SEMA3E: variants seen among roughly 807,000 people sequenced by gnomAD.
SEMA3E encodes semaphorin-3E.
Under a neutral mutation model 93.6 loss-of-function variants are expected in SEMA3E, and 49 were observed. That is an observed-to-expected ratio of 0.52 (90% CI 0.42 to 0.66). The LOEUF (loss-of-function observed/expected upper bound fraction) is 0.66. SEMA3E is among the 30% of genes least tolerant of loss of function. The probability of loss-of-function intolerance (pLI) is 0.00; values close to 1 mark genes in which losing one functional copy is unlikely to be tolerated. For synonymous variants in SEMA3E, 363 were observed against 330.7 expected, an observed-to-expected ratio of 1.10 and a Z score of -1.06; for missense variants, 906 against 964.8, an observed-to-expected ratio of 0.94 and a Z score of 0.81.
intron 1 of SEMA3E, among the ~76,000 whole-genome samples, chr7:83,500,303 G>A (rs1488619013): frequency 2.0e-5 from 3 of 152,072 alleles, no homozygotes; most frequent in Admixed American, 2.0e-4. Context: ...AGGGATCGTG[G>A]CAGGCACCTG....
chr7:83,506,036 T>A (rs867314667), intron 1 of SEMA3E, among the ~76,000 whole-genome samples: 6,326 of 130,236 alleles, frequency 0.049, 458 homozygotes, highest in African/African-American at 0.15. Flanking sequence ...AAAAAAAATA[T>A]ATATATATAT....
rs141795706 is a variant in SEMA3E, at chr7:83,442,956, G to A, written c.456+23526C>T. On this transcript the variant is annotated intron_variant, in intron 4 of 16. Transcript: ENST00000643230. ...ACTCTCCTTCTTAGTAGCTTGTGTCGATGAAGTAGTCCAAGTTGTGAGGGT... is the reference window on the plus strand; with the variant it reads ...ACTCTCCTTCTTAGTAGCTTGTGTCAATGAAGTAGTCCAAGTTGTGAGGGT... 2.8e-3 allele frequency among the ~76,000 whole-genome samples: 430 copies of A among 152,266 alleles called. 2 individuals carry two copies. Among genetic ancestry groups the A allele is most frequent in the African/African-American group, 8.5e-3 (352 of 41,548 alleles).
In SEMA3E at chr7:83,367,450, T is replaced by C; in HGVS notation, c.*136A>G. The C allele has an allele frequency of 2.2e-6, 2 of 889,236 alleles. No homozygotes were observed. Among genetic ancestry groups the C allele is most frequent in the Non-Finnish European group, 3.6e-6 (2 of 549,688 alleles). The allele number at this position is 889,236 out of a possible 1,614,324, so 55.1% of individuals were successfully genotyped here. A position where few individuals can be genotyped will look rare whatever the true frequency, so the allele number is the denominator to read the frequency against. On this transcript the variant is annotated 3_prime_UTR_variant, in exon 17 of 17. Transcript: ENST00000643230. The stretch of plus-strand genomic sequence containing the variant: ...TCAAATGAGTATGTAGAATAATTTA[T>C]TATAACACCTTCATAGTCATTCCTG...
chr7:83,504,656 T>G (rs1790658548), intron 1 of SEMA3E, among the ~76,000 whole-genome samples: 1 of 152,198 alleles, frequency 6.6e-6, no homozygotes, highest in Admixed American at 6.5e-5. Context: ...CAAATTCTTC[T>G]TCTGTTTTCC....
intron 1 of SEMA3E, among the ~76,000 whole-genome samples, chr7:83,638,553 A>G (rs1793926701): frequency 6.6e-6 from 1 of 152,208 alleles, no homozygotes; most frequent in Admixed American, 6.5e-5. Flanking sequence ...GTCATCAATG[A>G]ATAGGCACAC....
chr7:83,405,988 T>G lies in SEMA3E; in HGVS notation c.885A>C (p.Ser295=). The change falls in exon 8 of 17, where the codon TCA becomes TCC. Residue 295 remains serine (S), a synonymous_variant. Coordinates refer to ENST00000643230, the MANE Select transcript of SEMA3E (RefSeq NM_012431.3). ...STFLKARLVC[S]VPGMNGIDTY... ...TGTCAATTCCATTCATTCCTGGTACTGAGCAAACGAGTCTCGCTTTTAGGA... is the reference window on the plus strand; with the variant it reads ...TGTCAATTCCATTCATTCCTGGTACGGAGCAAACGAGTCTCGCTTTTAGGA... 1 of 1,613,454 alleles carries G rather than the reference T, an allele frequency of 6.2e-7. No individual in the cohort carries two copies. Among genetic ancestry groups the G allele is most frequent in the South Asian group, 1.1e-5 (1 of 91,068 alleles).
intron 1 of SEMA3E, among the ~76,000 whole-genome samples, chr7:83,547,095 G>A (rs534956791): frequency 1.3e-5 from 2 of 152,214 alleles, no homozygotes; most frequent in Admixed American, 6.5e-5. Context: ...CATCCTGAGA[G>A]TTTTGAAAAA....
chr7:83,452,937 A>G (rs1222830631), intron 4 of SEMA3E, among the ~76,000 whole-genome samples: 1 of 152,204 alleles, frequency 6.6e-6, no homozygotes, highest in Non-Finnish European at 1.5e-5. Flanking sequence ...CAGAAGAAAC[A>G]ATGTAGAAAA....
intron 1 of SEMA3E, among the ~76,000 whole-genome samples, chr7:83,527,936 A>G (rs938999849): frequency 6.6e-6 from 1 of 152,136 alleles, no homozygotes; most frequent in Non-Finnish European, 1.5e-5. Flanking sequence ...GAAAACCAAG[A>G]AAAAGAATAA....
intron 5 of SEMA3E, among the ~76,000 whole-genome samples, chr7:83,410,051 A>G (rs1427434226): frequency 6.6e-6 from 1 of 151,814 alleles, no homozygotes; most frequent in African/African-American, 2.4e-5. Context: ...AAGCTTTAGA[A>G]GTACTACTAT....
At chr7:83,421,601 C>T (rs1165028412) in intron 4 of SEMA3E, among the ~76,000 whole-genome samples, 1 of 142,122 alleles carries the variant, frequency 7.0e-6, no homozygotes, top group East Asian at 1.9e-4. Context: ...CTATGTACAA[C>T]CCTGCTCATC....
intron 1 of SEMA3E, among the ~76,000 whole-genome samples, chr7:83,631,894 G>T (rs1793792924): frequency 6.6e-6 from 1 of 152,192 alleles, no homozygotes; most frequent in Admixed American, 6.5e-5. Flanking sequence ...AGTGGCTTAT[G>T]CCTGTAATCC....
intron 1 of SEMA3E, among the ~76,000 whole-genome samples, chr7:83,537,759 A>T (rs1791435429): frequency 6.6e-6 from 1 of 152,182 alleles, no homozygotes; most frequent in Non-Finnish European, 1.5e-5. Context: ...GTAAAGTCAC[A>T]GATATGTGCA....
chr7:83,463,571 G>T lies in SEMA3E; in HGVS notation c.456+2911C>A, dbSNP rs538430046. Among the ~76,000 whole-genome samples the T allele has an allele frequency of 5.8e-3, 875 of 152,028 alleles. 4 individuals are homozygous for T. The highest frequency in any genetic ancestry group is 0.02 in the African/African-American group (829 of 41,480). On this transcript the variant is annotated intron_variant, in intron 4 of 16. Transcript: ENST00000643230. ...CTGACCCCCATGACTGTATCTCTCT[G>T]ATCCACCTGACATTCACCCCATTTC...
chr7:83,476,439 A>G (rs1391374129), intron 2 of SEMA3E, among the ~76,000 whole-genome samples: 1 of 152,260 alleles, frequency 6.6e-6, no homozygotes, highest in Non-Finnish European at 1.5e-5. Flanking sequence ...AGAAAGACAG[A>G]AAAGTATGAA....
chr7:83,542,480 T>C (rs1791557040), intron 1 of SEMA3E, among the ~76,000 whole-genome samples: 1 of 152,174 alleles, frequency 6.6e-6, no homozygotes, highest in Non-Finnish European at 1.5e-5. Flanking sequence ...TGCAAAGTCT[T>C]ACAATTTAAA....
At chr7:83,526,176 G>C (rs957824237) in intron 1 of SEMA3E, among the ~76,000 whole-genome samples, 1 of 152,068 alleles carries the variant, frequency 6.6e-6, no homozygotes, top group Admixed American at 6.6e-5. Flanking sequence ...CATGTTGACT[G>C]TTAGAAATTG....
At position 83,593,782 on chromosome 7, in the gene SEMA3E, G is replaced by A. The variant is rs528860275; in HGVS notation, c.115+54646C>T. On this transcript the variant is annotated intron_variant, in intron 1 of 16. Transcript: ENST00000643230. ...CGGGTCTAGAGATAAAAGAGAGTTCGGATGTACAGATATGTATCCAATCGG... is the reference window on the plus strand; with the variant it reads ...CGGGTCTAGAGATAAAAGAGAGTTCAGATGTACAGATATGTATCCAATCGG... Among the ~76,000 whole-genome samples the A allele has an allele frequency of 4.6e-5, 7 of 152,038 alleles. No homozygotes were observed. In the East Asian group the frequency reaches 9.8e-4, roughly 21 times the overall value.
rs377139447 is a variant in SEMA3E at position 83,616,009 on chromosome 7, T to C, written c.115+32419A>G. Among the ~76,000 whole-genome samples the C allele has an allele frequency of 2.5e-3, 382 of 150,614 alleles. 2 individuals are homozygous for C. Among genetic ancestry groups the C allele is most frequent in the African/African-American group, 9.1e-3 (371 of 40,618 alleles). On this transcript the variant is annotated intron_variant, in intron 1 of 16. Transcript: ENST00000643230. ...TTAAGAAAAGGAAAAAAAAAAAACA[T>C]TGGTAAATTGTGGTGGGTTAAATGT...
Sources: allele counts gnomAD v4.1 joint callset (sites outside exome capture counted in the v4.1 genomes callset), GRCh38; gene constraint gnomAD v4.1.1; transcripts MANE v1.5; gene names NCBI Gene and HGNC (gene_info 2026-07-23, HGNC 2026-07-21).